TRAF3: variants seen among roughly 807,000 people sequenced by gnomAD.
TRAF3 encodes TNF receptor-associated factor 3.
In TRAF3, 13 loss-of-function variants were observed where a neutral mutation model predicts 62.3. That is an observed-to-expected ratio of 0.21 (90% CI 0.14 to 0.33). The LOEUF is 0.33. Among genes scored for constraint, TRAF3 ranks in the 10% least tolerant of loss-of-function variants. The pLI, the probability that TRAF3 is intolerant of heterozygous loss-of-function variation, is 1.00. For missense variants in TRAF3, 440 were observed against 741.8 expected, an observed-to-expected ratio of 0.59 and a Z score of 4.73; for synonymous variants, 269 against 283.4, an observed-to-expected ratio of 0.95 and a Z score of 0.51.
At chr14:102,853,665 A>G (rs1022765368) in intron 2 of TRAF3, among the ~76,000 whole-genome samples, 4 of 151,676 alleles carry the variant, frequency 2.6e-5, no homozygotes, top group Non-Finnish European at 5.9e-5. Context: ...TGAAACCCCC[A>G]TCTCTACTAA....
chr14:102,872,781 T>C (rs1210427757), intron 4 of TRAF3, among the ~76,000 whole-genome samples: 3 of 151,526 alleles, frequency 2.0e-5, no homozygotes, highest in Non-Finnish European at 2.9e-5. Flanking sequence ...AGCCTCCACC[T>C]CCCAGGTTCA....
intron 1 of TRAF3, among the ~76,000 whole-genome samples, chr14:102,820,254 C>T (rs1365368719): frequency 2.6e-5 from 4 of 152,100 alleles, no homozygotes; most frequent in African/African-American, 4.8e-5. Context: ...CGTTCTGGAT[C>T]GCCTGGATCC....
At chr14:102,839,164 A>T (rs1190055747) in intron 2 of TRAF3, among the ~76,000 whole-genome samples, 2 of 140,586 alleles carry the variant, frequency 1.4e-5, no homozygotes, top group Non-Finnish European at 3.1e-5. Flanking sequence ...TTTCGAACGG[A>T]TGCTAATCCT....
intron 9 of TRAF3, chr14:102,895,030 A>G (rs1372851524): frequency 4.4e-6 from 2 of 454,956 alleles, no homozygotes; most frequent in Non-Finnish European, 8.8e-6. Context: ...GACATTACTG[A>G]GATTTTTTCA....
At chr14:102,897,897 C>G (rs1449419383) in intron 10 of TRAF3, among the ~76,000 whole-genome samples, 1 of 152,204 alleles carries the variant, frequency 6.6e-6, no homozygotes, top group Non-Finnish European at 1.5e-5. Context: ...ACCTTTGCTC[C>G]CCTGAATAGA....
chr14:102,904,973 G>A lies in TRAF3; in HGVS notation c.1136-240G>A, dbSNP rs148050171. Among the ~76,000 whole-genome samples, 711 of 151,990 alleles carry A rather than the reference G, an allele frequency of 4.7e-3. 6 individuals carry two copies. Among genetic ancestry groups the A allele is most frequent in the African/African-American group, 0.016 (679 of 41,444 alleles). On this transcript the variant is annotated intron_variant, in intron 11 of 11. Transcript: ENST00000392745. ...CTAAAAATACAAAAATTAGCCAGGC[G>A]TGGTGGCAGGCACCTCTAATCCCAG...
chr14:102,840,105 C>T (rs1382626675), intron 2 of TRAF3, among the ~76,000 whole-genome samples: 1 of 151,972 alleles, frequency 6.6e-6, no homozygotes, highest in African/African-American at 2.4e-5. Flanking sequence ...GAGGCACTTG[C>T]CTCAGTGCAG....
At position 102,906,000 on chromosome 14, in the gene TRAF3, C is replaced by A; in HGVS notation, c.*216C>A. On this transcript the variant is annotated 3_prime_UTR_variant, in exon 12 of 12. Transcript: ENST00000392745. ...ACTTCACTCTGAAGAATTATTTATC[C>A]TTCAACAAGATAAATATTGCTGTCA... The A allele has an allele frequency of 2.1e-6, 1 of 477,904 alleles. No individual in the cohort carries two copies. The highest frequency in any genetic ancestry group is 3.7e-6 in the Non-Finnish European group (1 of 271,658). 29.6% of individuals were successfully genotyped at this position (477,904 alleles called of 1,614,324 possible).
intron 9 of TRAF3, among the ~76,000 whole-genome samples, chr14:102,896,236 G>A (rs1890001217): frequency 1.3e-5 from 2 of 152,070 alleles, no homozygotes; most frequent in Non-Finnish European, 2.9e-5. Flanking sequence ...TGTTCAGTGG[G>A]CTCAAAAACG....
chr14:102,814,951 TCTGA>T (rs2139542571), intron 1 of TRAF3, among the ~76,000 whole-genome samples: 1 of 152,262 alleles, frequency 6.6e-6, no homozygotes, highest in African/African-American at 2.4e-5. Flanking sequence ...TCTTTCTTTT[TCTGA>T]GACAGAATCT....
At chr14:102,790,165 T>G (rs938275926) in intron 1 of TRAF3, among the ~76,000 whole-genome samples, 11 of 152,138 alleles carry the variant, frequency 7.2e-5, no homozygotes, top group African/African-American at 2.7e-4. Flanking sequence ...TACCTTTAGG[T>G]TTTTGATCCA....
rs1898087315 is a variant in TRAF3, at chr14:102,796,389, T to A, written c.-157+18714T>A. On this transcript the variant is annotated intron_variant, in intron 1 of 11. Transcript: ENST00000392745. The stretch of plus-strand genomic sequence containing the variant: ...TGCAGTATCCTCTACGATATACCGG[T>A]AACTGTAAGTACATATTTCCCTGAG... Among the ~76,000 whole-genome samples, 3 of 152,232 alleles carry A rather than the reference T, an allele frequency of 2.0e-5. No homozygotes were observed. In the South Asian group the frequency reaches 6.2e-4, roughly 31 times the overall value.
At chr14:102,858,774 A>G (rs530722520) in intron 2 of TRAF3, among the ~76,000 whole-genome samples, 3 of 152,350 alleles carry the variant, frequency 2.0e-5, no homozygotes, top group East Asian at 3.9e-4. Context: ...AATACAGGTC[A>G]AAGAAAGCCA....
At chr14:102,873,286 T>C (rs181350663) in intron 4 of TRAF3, among the ~76,000 whole-genome samples, 1 of 152,260 alleles carries the variant, frequency 6.6e-6, no homozygotes, top group East Asian at 1.9e-4. Flanking sequence ...GCCCTGTACC[T>C]TTTCTTTCTC....
intron 1 of TRAF3, among the ~76,000 whole-genome samples, chr14:102,782,448 G>T (rs1435795374): frequency 1.3e-5 from 2 of 151,590 alleles, no homozygotes; most frequent in African/African-American, 2.4e-5. Context: ...GGCCAAGCTG[G>T]TCTCAAACTC....
In TRAF3 at chr14:102,853,583, C is replaced by T. The variant is rs144561019; in HGVS notation, c.-17-16602C>T. On this transcript the variant is annotated intron_variant, in intron 2 of 11. Coordinates refer to ENST00000392745, the MANE Select transcript of TRAF3 (RefSeq NM_145725.3). ...GGCGTGGTGGCTCATGCCTGTAATC[C>T]CAGCACTTTAGGAGGCCGAGGCGGG... Among the ~76,000 whole-genome samples, 111 of 152,108 alleles carry T rather than the reference C, an allele frequency of 7.3e-4. No homozygotes were observed. In the East Asian group the frequency reaches 0.012, roughly 16 times the overall value.
intron 1 of TRAF3, among the ~76,000 whole-genome samples, chr14:102,806,625 C>T (rs940989821): frequency 6.6e-6 from 1 of 152,160 alleles, no homozygotes; most frequent in African/African-American, 2.4e-5. Context: ...TGTACCAGGG[C>T]ATGGCAGGAA....
chr14:102,865,227 C>G (rs1208675709), intron 2 of TRAF3, among the ~76,000 whole-genome samples: 3 of 152,130 alleles, frequency 2.0e-5, no homozygotes, highest in Admixed American at 2.0e-4. Context: ...GGAGCCAGTT[C>G]AGTCCTGTGG....
chr14:102,876,652 A>G, intron 6 of TRAF3, 127 bp downstream of exon 6: 3 of 1,291,238 alleles, frequency 2.3e-6, no homozygotes, highest in South Asian at 2.6e-5. Flanking sequence ...AATCCGTTCC[A>G]CAGGCCTTCC....
Sources: allele counts gnomAD v4.1 joint callset (sites outside exome capture counted in the v4.1 genomes callset), GRCh38; gene constraint gnomAD v4.1.1; transcripts MANE v1.5; gene names NCBI Gene and HGNC (gene_info 2026-07-23, HGNC 2026-07-21).